PLAAT1: variants seen among roughly 807,000 people sequenced by gnomAD.
PLAAT1 encodes H-REV107 protein-related protein.
PLAAT1 carries 13 observed loss-of-function variants against 16.4 expected under a neutral mutation model. The observed-to-expected ratio is 0.79, with a 90% CI of 0.52 to 1.26. PLAAT1 has a LOEUF of 1.26. Among genes scored for constraint, PLAAT1 ranks in the 50% most tolerant of loss-of-function variants. The pLI, the probability that PLAAT1 is intolerant of heterozygous loss-of-function variation, is 0.00. For synonymous variants in PLAAT1, 73 were observed against 78.4 expected (o/e 0.93, Z 0.36); for missense variants, 218 against 207.8 (o/e 1.05, Z -0.30).
chr3:193,241,135 G>GGCGA (rs1715714338), upstream of PLAAT1: 10 of 1,063,078 alleles, frequency 9.4e-6, no homozygotes, highest in South Asian at 4.9e-5. Context: ...CGGGCGGGCG[G>GGCGA]GCGGGCGAAG....
intron 3 of PLAAT1, among the ~76,000 whole-genome samples, chr3:193,264,997 A>T (rs1287037661): frequency 2.0e-5 from 3 of 152,208 alleles, no homozygotes; most frequent in African/African-American, 7.2e-5. Flanking sequence ...CTATAATACA[A>T]AAGATAGTAA....
chr3:193,278,984 A>C (rs1253088728), downstream of PLAAT1, among the ~76,000 whole-genome samples: 1 of 152,172 alleles, frequency 6.6e-6, no homozygotes, highest in East Asian at 1.9e-4. Flanking sequence ...ACTGTCTTAT[A>C]AGTCTATGTT....
chr3:193,267,275 A>T (rs1270272719), intron 3 of PLAAT1, among the ~76,000 whole-genome samples: 6 of 152,168 alleles, frequency 3.9e-5, no homozygotes, highest in Admixed American at 3.9e-4. Context: ...TATGGTTTGG[A>T]CAAATTTAAA....
intron 1 of PLAAT1, among the ~76,000 whole-genome samples, chr3:193,241,754 G>A (rs1441454045): frequency 6.6e-6 from 1 of 152,208 alleles, no homozygotes; most frequent in East Asian, 1.9e-4. Flanking sequence ...AACCCAACCT[G>A]TTTAAGGCTT....
chr3:193,250,454 C>T (rs1470473484), intron 1 of PLAAT1, among the ~76,000 whole-genome samples: 1 of 152,112 alleles, frequency 6.6e-6, no homozygotes, highest in Non-Finnish European at 1.5e-5. Context: ...CACATTGGAC[C>T]TGGAGAGATT....
At chr3:193,244,452 AATG>A (rs1162637070) in intron 1 of PLAAT1, among the ~76,000 whole-genome samples, 9 of 151,582 alleles carry the variant, frequency 5.9e-5, no homozygotes, top group African/African-American at 1.9e-4. Context: ...TTAGATGTAT[AATG>A]ATATCTCATT....
Position 193,263,234 on chromosome 3 carries a change from A to G in PLAAT1, c.404A>G (p.Gln135Arg). The change falls in exon 3 of 4, where the codon CAG (glutamine) becomes CGG (arginine). Residue 135 changes from glutamine to arginine, a missense_variant and splice_region_variant. By Grantham distance (43) the Gln-to-Arg change is conservative (BLOSUM62 1). Transcript: ENST00000264735. ...CGCTATGGAGAAGGAGTTTCAGAGC[A>G]GGTAAGTTTTCTTTAGGAGATATTC... Reference protein sequence around the residue: ...LLRYGEGVSEQANRAISTVEF... With the variant: ...LLRYGEGVSERANRAISTVEF... The G allele has an allele frequency of 6.2e-7, 1 of 1,613,064 alleles. No individual in the cohort carries two copies. Among genetic ancestry groups the G allele is most frequent in the Non-Finnish European group, 8.5e-7 (1 of 1,179,260 alleles).
At chr3:193,269,668 C>T (rs535830826) in intron 3 of PLAAT1, among the ~76,000 whole-genome samples, 5 of 152,176 alleles carry the variant, frequency 3.3e-5, no homozygotes, top group Non-Finnish European at 7.3e-5. Flanking sequence ...TTTGAAAGAC[C>T]TGATTCTTCA....
chr3:193,242,071 A>T (rs1320741969), intron 1 of PLAAT1, among the ~76,000 whole-genome samples: 1 of 151,516 alleles, frequency 6.6e-6, no homozygotes, highest in Non-Finnish European at 1.5e-5. Flanking sequence ...ATGCCGCCCA[A>T]CACAAATTTG....
At chr3:193,281,275 C>T, downstream of PLAAT1, 12 of 884,522 alleles carry the variant, frequency 1.4e-5, no homozygotes, top group Non-Finnish European at 1.6e-5. Flanking sequence ...ACCTCACTAG[C>T]AACTGGGGCT....
chr3:193,275,001 A>G (rs774225993), downstream of PLAAT1: 30 of 1,604,110 alleles, frequency 1.9e-5, no homozygotes, highest in Middle Eastern at 3.3e-4. Context: ...AATTTTGGGG[A>G]AAAAAGCAAT....
chr3:193,278,538 T>C (rs1717328583), downstream of PLAAT1, among the ~76,000 whole-genome samples: 1 of 152,176 alleles, frequency 6.6e-6, no homozygotes, highest in Non-Finnish European at 1.5e-5. Context: ...TCATTTGCAT[T>C]TCTAAAACAA....
At chr3:193,247,881 A>G (rs985530850) in intron 1 of PLAAT1, among the ~76,000 whole-genome samples, 18 of 152,200 alleles carry the variant, frequency 1.2e-4, no homozygotes, top group Admixed American at 9.8e-4. Context: ...TCCATGTGCA[A>G]TTGAGAAAAA....
chr3:193,255,590 T>A, intron 1 of PLAAT1, 61 bp from the exon 2 acceptor site: 1 of 1,536,124 alleles, frequency 6.5e-7, no homozygotes. Context: ...ATGGATGTCT[T>A]AAACTGATTT....
At chr3:193,244,890 A>G (rs190984967) in intron 1 of PLAAT1, among the ~76,000 whole-genome samples, 1 of 152,304 alleles carries the variant, frequency 6.6e-6, no homozygotes, top group African/African-American at 2.4e-5. Flanking sequence ...TCCATTCATG[A>G]GGACAGAGCT....
intron 3 of PLAAT1, among the ~76,000 whole-genome samples, chr3:193,269,736 G>A (rs1716919948): frequency 6.6e-6 from 1 of 152,182 alleles, no homozygotes; most frequent in Non-Finnish European, 1.5e-5. Context: ...GTGTCCGAAT[G>A]TGACCTTTGG....
At chr3:193,269,011 CCTT>C (rs1716880492) in intron 3 of PLAAT1, among the ~76,000 whole-genome samples, 1 of 151,954 alleles carries the variant, frequency 6.6e-6, no homozygotes, top group Non-Finnish European at 1.5e-5. Context: ...CTCTATTAGA[CCTT>C]CTTGGGATCT....
At chr3:193,267,720 A>G (rs1042219039) in intron 3 of PLAAT1, among the ~76,000 whole-genome samples, 5 of 152,190 alleles carry the variant, frequency 3.3e-5, no homozygotes, top group African/African-American at 1.2e-4. Flanking sequence ...TCCTTTGGGT[A>G]AGTACCAAGG....
chr3:193,250,882 A>G (rs967198661), intron 1 of PLAAT1, among the ~76,000 whole-genome samples: 4 of 128,742 alleles, frequency 3.1e-5, no homozygotes, highest in Admixed American at 1.7e-4. Context: ...AAAGGAGTTT[A>G]TTTCCAGGGC....
Sources: gnomAD v4.1 joint callset for allele counts (sites outside exome capture counted in the v4.1 genomes callset) on GRCh38, gnomAD v4.1.1 for gene constraint, MANE v1.5 for transcripts, NCBI Gene and HGNC (gene_info 2026-07-23, HGNC 2026-07-21) for gene names.